Variants in IGSF10 observed in about 807,000 individuals in gnomAD.
The protein encoded by IGSF10 is calvaria mechanical force protein 608.
In IGSF10, 126 loss-of-function variants were observed where a neutral mutation model predicts 128.2. The ratio of observed to expected loss-of-function variants is 0.98; its 90% CI spans 0.85 to 1.14. IGSF10 has a LOEUF of 1.14. Among genes scored for constraint, IGSF10 ranks in the 50% most tolerant of loss-of-function variants. The pLI is 0.00. For synonymous variants in IGSF10, 1,185 were observed against 1,146.2 expected, an observed-to-expected ratio of 1.03 and a Z score of -0.68; for missense variants, 3,295 against 3,149.8, an observed-to-expected ratio of 1.05 and a Z score of -1.10.
the IGSF10 span, among the ~76,000 whole-genome samples, chr3:151,480,652 C>T: frequency 1.3e-5 from 2 of 152,070 alleles, no homozygotes; most frequent in Admixed American, 1.3e-4. Context: ...ACCATGCCCA[C>T]CCAGTAGTGC....
intron 6 of IGSF10, 41 bp from the exon 7 acceptor site, chr3:151,443,925 A>G (rs1241770129): frequency 6.8e-7 from 1 of 1,464,920 alleles, no homozygotes; most frequent in Admixed American, 2.2e-5. Context: ...GGGTCATCAA[A>G]GTTTATTTAG....
the IGSF10 span, among the ~76,000 whole-genome samples, chr3:151,470,067 A>G: frequency 6.6e-6 from 1 of 152,308 alleles, no homozygotes; most frequent in South Asian, 2.1e-4. Context: ...TCAGCAGTAC[A>G]CTTGGCCTGT....
chr3:151,502,048 C>G, the IGSF10 span, among the ~76,000 whole-genome samples: 1 of 152,018 alleles, frequency 6.6e-6, no homozygotes, highest in Non-Finnish European at 1.5e-5. Flanking sequence ...TCTTCCTACC[C>G]ACCCCCATAT....
the IGSF10 span, among the ~76,000 whole-genome samples, chr3:151,604,952 A>G: frequency 6.6e-6 from 1 of 152,210 alleles, no homozygotes; most frequent in Admixed American, 6.5e-5. Flanking sequence ...TTGAATATAC[A>G]TTGTTGATTC....
chr3:151,607,727 C>T, the IGSF10 span, among the ~76,000 whole-genome samples: 9 of 151,224 alleles, frequency 6.0e-5, no homozygotes, highest in African/African-American at 1.7e-4. Context: ...CTGGCTAATA[C>T]GGTGAAACCC....
the IGSF10 span, among the ~76,000 whole-genome samples, chr3:151,603,085 C>T: frequency 1.3e-5 from 2 of 152,166 alleles, no homozygotes; most frequent in Non-Finnish European, 1.5e-5. Flanking sequence ...GGTTCTTGCT[C>T]TTATTGTAAG....
rs555444648 is a variant in IGSF10 at position 151,438,058 on chromosome 3, T to A, written c.6503A>T (p.Asp2168Val). ...TAVLDCEVTG[D>V]PKPKIFWLLP... ...CAACCAAAATATTTTTGGTTTGGGA[T>A]CCCCAGTGACCTCACAGTCAAGGAC... The change falls in exon 8 of 8, where the codon GAT becomes GTT. Residue 2168 changes from aspartate (D) to valine (V), a missense_variant. Transcript: ENST00000282466. 3.7e-6 allele frequency: 6 copies of A among 1,614,204 alleles called. No homozygotes were observed. The African/African-American group carries it at 8.0e-5, about 22-fold the overall frequency.
At chr3:151,593,460 C>T in the IGSF10 span, among the ~76,000 whole-genome samples, 11 of 152,144 alleles carry the variant, frequency 7.2e-5, no homozygotes, top group African/African-American at 2.7e-4. Context: ...GAGGCTGCTA[C>T]CACCATTTAT....
the IGSF10 span, among the ~76,000 whole-genome samples, chr3:151,619,415 T>C: frequency 6.8e-6 from 1 of 147,138 alleles, no homozygotes; most frequent in African/African-American, 2.5e-5. Context: ...TGAAATAGTA[T>C]TTCAATTACT....
At chr3:151,536,609 TA>T in the IGSF10 span, among the ~76,000 whole-genome samples, 8 of 152,276 alleles carry the variant, frequency 5.3e-5, no homozygotes, top group East Asian at 1.4e-3. Context: ...GATTCTACTG[TA>T]AAGCTTAACC....
the IGSF10 span, among the ~76,000 whole-genome samples, chr3:151,533,290 C>T: frequency 2.0e-5 from 3 of 152,134 alleles, no homozygotes; most frequent in Non-Finnish European, 4.4e-5. Context: ...TGAGTTTCTT[C>T]ACAGAATTGG....
chr3:151,438,502 T>A lies in IGSF10; in HGVS notation c.6059A>T (p.Asn2020Ile). 6.2e-7 allele frequency: 1 copy of A among 1,614,136 alleles called. No homozygotes were observed. Among genetic ancestry groups the A allele is most frequent in the Non-Finnish European group, 8.5e-7 (1 of 1,180,030 alleles). ...CAGTATCAGATCATCCCCCATTTTGTTTCTTGCCACACACAAGTAGACACC... is the reference window on the plus strand; with the variant it reads ...CAGTATCAGATCATCCCCCATTTTGATTCTTGCCACACACAAGTAGACACC... ...DSGVYLCVARNKMGDDLILMH... is the reference protein window; with the variant it reads ...DSGVYLCVARIKMGDDLILMH... The change falls in exon 8 of 8, where the codon AAC (asparagine) becomes ATC (isoleucine). Residue 2020 changes from asparagine to isoleucine, a missense_variant. Transcript: ENST00000282466.
At chr3:151,432,807 C>T (rs199514521), downstream of IGSF10, 25 of 1,611,362 alleles carry the variant, frequency 1.6e-5, 1 homozygote, top group South Asian at 1.8e-4. Context: ...ACTTCTGAAT[C>T]TGCAAGAGGA....
At chr3:151,572,632 G>A in the IGSF10 span, among the ~76,000 whole-genome samples, 1 of 151,960 alleles carries the variant, frequency 6.6e-6, no homozygotes, top group East Asian at 1.9e-4. Flanking sequence ...AGTCTTGCTA[G>A]TGTACTATCT....
the IGSF10 span, among the ~76,000 whole-genome samples, chr3:151,612,144 T>G: frequency 1.3e-5 from 2 of 152,232 alleles, no homozygotes; most frequent in African/African-American, 4.8e-5. Context: ...TCTTTTCTTT[T>G]GCTCTTGCAT....
the IGSF10 span, among the ~76,000 whole-genome samples, chr3:151,529,209 G>A: frequency 2.6e-5 from 4 of 152,160 alleles, no homozygotes; most frequent in Non-Finnish European, 4.4e-5. Context: ...CCCCCATTCA[G>A]GGACTTGTAG....
At position 151,448,120 on chromosome 3, in the gene IGSF10, C is replaced by T. The variant is rs1721307987; in HGVS notation, c.1861G>A (p.Asp621Asn). ...GTGCCATTGTTTAGAACTTTCTTGT[C>T]TCTTGATGACTGATAGAGCACATTG... ...GNNVLYQSSR[D>N]KKVLNNGTLR... The change falls in exon 6 of 8, where the codon GAC becomes AAC. Residue 621 changes from aspartate (D) to asparagine (N), a missense_variant. By Grantham distance (23) the Asp-to-Asn change is conservative. Coordinates refer to ENST00000282466, the MANE Select transcript of IGSF10 (RefSeq NM_178822.5). 1.9e-6 allele frequency: 3 copies of T among 1,614,128 alleles called. No homozygotes were observed.
downstream of IGSF10, chr3:151,435,409 C>T (rs943646177): frequency 1.6e-4 from 24 of 152,092 alleles, no homozygotes; most frequent in African/African-American, 5.6e-4. Context: ...CACTTCCAGC[C>T]ACAGGGTACT....
the IGSF10 span, among the ~76,000 whole-genome samples, chr3:151,605,641 A>G: frequency 1.3e-5 from 2 of 152,310 alleles, no homozygotes; most frequent in East Asian, 1.9e-4. Flanking sequence ...CTTATTTTCT[A>G]TTTTAAAGAT....
Sources: allele counts gnomAD v4.1 joint callset (sites outside exome capture counted in the v4.1 genomes callset), GRCh38; gene constraint gnomAD v4.1.1; transcripts MANE v1.5; gene names NCBI Gene and HGNC (gene_info 2026-07-23, HGNC 2026-07-21).